The following CLNK variants were observed in gnomAD, a reference collection of about 807,000 sequenced individuals.
CLNK encodes the protein cytokine dependent hematopoietic cell linker.
CLNK carries 74 observed loss-of-function variants against 68.6 expected under a neutral mutation model. The observed-to-expected ratio is 1.08, with a 90% CI of 0.89 to 1.31. The LOEUF is 1.31. CLNK is among the 50% of genes most tolerant of loss of function. The pLI is 0.00. For synonymous variants in CLNK, 198 were observed against 172.2 expected (o/e 1.15, Z -1.17); for missense variants, 553 against 515.3 (o/e 1.07, Z -0.71).
At chr4:10,623,219 A>G (rs1722531071) in intron 2 of CLNK, among the ~76,000 whole-genome samples, 1 of 152,222 alleles carries the variant, frequency 6.6e-6, no homozygotes, top group African/African-American at 2.4e-5. Flanking sequence ...TCCTGACTTA[A>G]CAAATCCCTC....
chr4:10,508,437 G>T (rs1226255811), intron 16 of CLNK, among the ~76,000 whole-genome samples: 7 of 152,212 alleles, frequency 4.6e-5, no homozygotes, highest in Admixed American at 3.9e-4. Flanking sequence ...AGAAAGAGGT[G>T]CGGAAGGAGC....
At chr4:10,705,045 G>A in the CLNK span, among the ~76,000 whole-genome samples, 7 of 152,184 alleles carry the variant, frequency 4.6e-5, no homozygotes, top group African/African-American at 1.2e-4. Context: ...AGCAAAAAAG[G>A]TCATAAGGGT....
At chr4:10,685,094 G>A (rs1725221835), upstream of CLNK, 1 of 152,140 alleles carries the variant, frequency 6.6e-6, no homozygotes, top group African/African-American at 2.4e-5. Context: ...TATATGAATA[G>A]TGGACATTAA....
At chr4:10,650,853 G>GA (rs530417029) in intron 2 of CLNK, among the ~76,000 whole-genome samples, 9 of 148,432 alleles carry the variant, frequency 6.1e-5, no homozygotes, top group Non-Finnish European at 9.0e-5. Context: ...AAATTTACAA[G>GA]AAAAAAAAAC....
intron 17 of CLNK, 53 bp from the exon 18 acceptor site, chr4:10,501,464 T>C: frequency 6.4e-7 from 1 of 1,551,302 alleles, no homozygotes; most frequent in Non-Finnish European, 8.7e-7. Context: ...CATTCTGCCC[T>C]TGTAATGGTG....
chr4:10,596,520 A>G (rs1016996513), intron 3 of CLNK, among the ~76,000 whole-genome samples: 1 of 152,220 alleles, frequency 6.6e-6, no homozygotes, highest in African/African-American at 2.4e-5. Flanking sequence ...TTTTTACAGG[A>G]GTAAATACAT....
chr4:10,564,575 A>G (rs1047987094), intron 7 of CLNK, 96 bp downstream of exon 7: 25 of 831,234 alleles, frequency 3.0e-5, no homozygotes, highest in Non-Finnish European at 4.7e-5. Context: ...CTCTTTCCCT[A>G]ATAAGATGGC....
Position 10,571,760 on chromosome 4 carries a change from T to C in CLNK, c.131A>G (p.Asn44Ser), listed in dbSNP as rs746662018. 23 of 1,613,014 alleles carry C rather than the reference T, an allele frequency of 1.4e-5. No individual in the cohort carries two copies. Among genetic ancestry groups the C allele is most frequent in the Admixed American group, 3.3e-5 (2 of 59,990 alleles). Reference protein sequence around the residue: ...NSATGQYQRMNKPLLDWERNF... With the variant: ...NSATGQYQRMSKPLLDWERNF... ...ACTTACCCAGTCTAGAAGAGGCTTG[T>C]TCATCCTCTGGTACTGGCCTGCCAA... The change falls in exon 5 of 19, where the codon AAC becomes AGC. Residue 44 changes from asparagine to serine, a missense_variant. Coordinates refer to ENST00000226951, the MANE Select transcript of CLNK (RefSeq NM_052964.4).
intron 3 of CLNK, among the ~76,000 whole-genome samples, chr4:10,591,338 G>T (rs1721171409): frequency 6.6e-6 from 1 of 152,068 alleles, no homozygotes; most frequent in African/African-American, 2.4e-5. Context: ...CTCCTTATTT[G>T]GGCATATTCT....
chr4:10,597,893 A>G, intron 3 of CLNK, 85 bp downstream of exon 3: 1 of 916,552 alleles, frequency 1.1e-6, no homozygotes, highest in Non-Finnish European at 1.7e-6. Context: ...TCACATTGAC[A>G]ATTTTCGTGT....
intron 5 of CLNK, among the ~76,000 whole-genome samples, chr4:10,570,894 A>G (rs575403089): frequency 2.0e-5 from 3 of 152,204 alleles, no homozygotes; most frequent in Non-Finnish European, 4.4e-5. Flanking sequence ...CTTTTGTATT[A>G]CTGAATACTT....
chr4:10,728,006 C>A, the CLNK span, among the ~76,000 whole-genome samples: 3 of 152,292 alleles, frequency 2.0e-5, no homozygotes, highest in Admixed American at 2.0e-4. Context: ...TGGATAGACA[C>A]GAAAACAGTC....
chr4:10,719,740 T>TA, the CLNK span, among the ~76,000 whole-genome samples: 2 of 152,160 alleles, frequency 1.3e-5, no homozygotes, highest in Non-Finnish European at 2.9e-5. Context: ...CTTTGTAGAA[T>TA]ACTCCATCCG....
chr4:10,672,966 A>C (rs1019029364), intron 1 of CLNK, among the ~76,000 whole-genome samples: 1 of 152,210 alleles, frequency 6.6e-6, no homozygotes, highest in Non-Finnish European at 1.5e-5. Flanking sequence ...CTTGTAAATA[A>C]TCCTCCATAC....
the CLNK span, among the ~76,000 whole-genome samples, chr4:10,705,446 A>C: frequency 7.8e-3 from 1,191 of 152,290 alleles, 19 homozygotes; most frequent in African/African-American, 0.028. Flanking sequence ...CTGGGCTAAA[A>C]CCCAGGTGGA....
chr4:10,490,578 G>T lies in CLNK; in HGVS notation c.1176C>A (p.Tyr392Ter). ...FDSVEDIIEHYKNFPIILIDG... is the reference protein window; with the variant it reads ...FDSVEDIIEH ...CAATTAGTATAATGGGAAAATTCTT[G>T]TAGTGTTCGATGATGTCTTCTACTG... Residue 392 changes from tyrosine (Y) to a stop codon, truncating the protein, a stop_gained, in exon 19 of 19, where the codon TAC becomes TAA. Transcript: ENST00000226951. LOFTEE classifies it low-confidence loss of function (END_TRUNC). 1.3e-6 allele frequency: 2 copies of T among 1,585,214 alleles called. No homozygotes were observed. The highest frequency in any genetic ancestry group is 1.2e-5 in the South Asian group (1 of 86,846).
intron 2 of CLNK, among the ~76,000 whole-genome samples, chr4:10,652,973 A>T (rs180795760): frequency 6.6e-6 from 1 of 152,328 alleles, no homozygotes; most frequent in Non-Finnish European, 1.5e-5. Context: ...TGGATAACGA[A>T]AATAAGGCAC....
At chr4:10,725,620 A>G in the CLNK span, among the ~76,000 whole-genome samples, 19 of 152,278 alleles carry the variant, frequency 1.2e-4, no homozygotes, top group South Asian at 6.2e-4. Context: ...TTGGGAGGCC[A>G]AGGCGGGCGG....
chr4:10,570,852 T>G (rs987333321), intron 5 of CLNK, among the ~76,000 whole-genome samples: 1 of 152,214 alleles, frequency 6.6e-6, no homozygotes, highest in African/African-American at 2.4e-5. Flanking sequence ...TTGCAAATGA[T>G]TTCATAAAAT....
Sources: allele counts gnomAD v4.1 joint callset (sites outside exome capture counted in the v4.1 genomes callset), GRCh38; gene constraint gnomAD v4.1.1; transcripts MANE v1.5; gene names NCBI Gene and HGNC (gene_info 2026-07-23, HGNC 2026-07-21).